The following RNASEH2A variants were observed in gnomAD, a reference collection of about 807,000 sequenced individuals.
RNASEH2A encodes RNase H(35).
Under a neutral mutation model 32.7 loss-of-function variants are expected in RNASEH2A, and 30 were observed. The observed-to-expected ratio is 0.92, with a 90% CI of 0.69 to 1.25. The LOEUF (loss-of-function observed/expected upper bound fraction) is 1.25, where lower values mean the gene tolerates loss of function less well. Among genes scored for constraint, RNASEH2A ranks in the 50% most tolerant of loss-of-function variants. The pLI, the probability that RNASEH2A is intolerant of heterozygous loss-of-function variation, is 0.00. For synonymous variants in RNASEH2A, 147 were observed against 165.4 expected (o/e 0.89, Z 0.86); for missense variants, 409 against 398.1 (o/e 1.03, Z -0.23).
chr19:12,810,988 A>T (rs1367288619), intron 6 of RNASEH2A, among the ~76,000 whole-genome samples: 1 of 151,772 alleles, frequency 6.6e-6, no homozygotes, highest in Non-Finnish European at 1.5e-5. Context: ...TTTTAAAGAG[A>T]TGGGGTCTCC....
chr19:12,809,145 C>T (rs573587790), intron 4 of RNASEH2A, among the ~76,000 whole-genome samples: 2 of 152,076 alleles, frequency 1.3e-5, no homozygotes, highest in East Asian at 3.9e-4. Context: ...GAGGCCGAGG[C>T]GGGCGGATCA....
intron 4 of RNASEH2A, among the ~76,000 whole-genome samples, chr19:12,809,012 T>TA (rs564353298): frequency 3.6e-4 from 55 of 152,026 alleles, no homozygotes; most frequent in Non-Finnish European, 6.6e-4. Flanking sequence ...GAGCTGGCGA[T>TA]ACAGTAACTG....
intron 6 of RNASEH2A, 72 bp downstream of exon 6, chr19:12,810,476 T>C (rs1020793456): frequency 5.1e-4 from 638 of 1,259,982 alleles, no homozygotes; most frequent in Non-Finnish European, 6.5e-4. Flanking sequence ...GGTTTTCTTT[T>C]TTTCCTTTCT....
chr19:12,811,075 A>G (rs529631758), intron 6 of RNASEH2A, among the ~76,000 whole-genome samples: 19 of 152,100 alleles, frequency 1.2e-4, no homozygotes, highest in Non-Finnish European at 2.8e-4. Context: ...AGCTAGGATT[A>G]CAGGTGTGAA....
intron 1 of RNASEH2A, 38 bp downstream of exon 1, chr19:12,806,838 C>T (rs1193478700): frequency 1.9e-6 from 3 of 1,590,900 alleles, no homozygotes; most frequent in East Asian, 2.3e-5. Flanking sequence ...GGGCGTGGTA[C>T]GGAGGATGCG....
chr19:12,813,355 G>C lies in RNASEH2A; in HGVS notation c.789G>C (p.Glu263Asp). The C allele has an allele frequency of 6.2e-7, 1 of 1,614,136 alleles. No homozygotes were observed. The highest frequency in any genetic ancestry group is 8.5e-7 in the Non-Finnish European group (1 of 1,180,016). ...IWEDSASENQ[E>D]GLRKITSYFL... ...AGGACTCAGCATCCGAGAATCAGGAGGGACTCAGGAAGATCACATCCTACT... is the reference window on the plus strand; with the variant it reads ...AGGACTCAGCATCCGAGAATCAGGACGGACTCAGGAAGATCACATCCTACT... Residue 263 changes from glutamate (E) to aspartate (D), a missense_variant, in exon 8 of 8, where the codon GAG becomes GAC. By Grantham distance (45) the Glu-to-Asp change is conservative. Coordinates refer to ENST00000221486, the MANE Select transcript of RNASEH2A (RefSeq NM_006397.3).
chr19:12,810,050 A>G, intron 4 of RNASEH2A, 21 bp from the exon 5 acceptor site: 1 of 1,613,976 alleles, frequency 6.2e-7, no homozygotes, highest in African/African-American at 1.3e-5. Flanking sequence ...TTCAATTAAT[A>G]TGTGTCTGTT....
intron 4 of RNASEH2A, among the ~76,000 whole-genome samples, chr19:12,808,637 T>C (rs540885728): frequency 6.6e-6 from 1 of 152,300 alleles, no homozygotes; most frequent in Admixed American, 6.5e-5. Flanking sequence ...CATTTAGTTT[T>C]CCGATCACAG....
chr19:12,810,819 C>T (rs963750067), intron 6 of RNASEH2A, among the ~76,000 whole-genome samples: 8 of 152,016 alleles, frequency 5.3e-5, no homozygotes, highest in East Asian at 1.9e-4. Flanking sequence ...CATGAGCCAC[C>T]GTGCCCAGCC....
chr19:12,809,541 T>C (rs946032156), intron 4 of RNASEH2A, among the ~76,000 whole-genome samples: 3 of 152,344 alleles, frequency 2.0e-5, no homozygotes, highest in Admixed American at 2.0e-4. Context: ...GGTCTCCATA[T>C]GTTGCCCAGG....
chr19:12,807,176 G>A, intron 2 of RNASEH2A, 30 bp from the exon 3 acceptor site: 1 of 1,614,088 alleles, frequency 6.2e-7, no homozygotes, highest in Non-Finnish European at 8.5e-7. Context: ...AGAACCAGCT[G>A]TTCCCCTTCT....
rs1321788478 is a variant in RNASEH2A, at chr19:12,813,116, T to G, written c.671T>G (p.Val224Gly). The change falls in exon 7 of 8, where the codon GTG becomes GGG. Residue 224 changes from valine to glycine, a missense_variant. Coordinates refer to ENST00000221486, the MANE Select transcript of RNASEH2A (RefSeq NM_006397.3). ...PKTKAWLKEH[V>G]EPVFGFPQFV... ...ACAAAAGCGTGGTTGAAGGAGCACGTGGAGCCTGTGTTCGGCTTCCCCCAG... is the reference window on the plus strand; with the variant it reads ...ACAAAAGCGTGGTTGAAGGAGCACGGGGAGCCTGTGTTCGGCTTCCCCCAG... 4 of 1,614,140 alleles carry G rather than the reference T, an allele frequency of 2.5e-6. No individual in the cohort carries two copies. The highest frequency in any genetic ancestry group is 3.4e-6 in the Non-Finnish European group (4 of 1,180,022).
At chr19:12,812,885 G>T (rs1198954298) in intron 6 of RNASEH2A, among the ~76,000 whole-genome samples, 198 bp from the exon 7 acceptor site, 1 of 152,058 alleles carries the variant, frequency 6.6e-6, no homozygotes, top group African/African-American at 2.4e-5. Flanking sequence ...TGCGCCTGTA[G>T]TCCCAGCTAC....
At chr19:12,812,373 AAT>A (rs1421640555) in intron 6 of RNASEH2A, among the ~76,000 whole-genome samples, 1 of 151,740 alleles carries the variant, frequency 6.6e-6, no homozygotes, top group Non-Finnish European at 1.5e-5. Context: ...CTCTACTAAA[AAT>A]ACAAAAATTA....
chr19:12,809,014 C>T (rs952490680), intron 4 of RNASEH2A, among the ~76,000 whole-genome samples: 1 of 152,058 alleles, frequency 6.6e-6, no homozygotes, highest in African/African-American at 2.4e-5. Flanking sequence ...GCTGGCGATA[C>T]AGTAACTGGT....
At chr19:12,807,150 G>T in intron 2 of RNASEH2A, 56 bp from the exon 3 acceptor site, 1 of 1,614,184 alleles carries the variant, frequency 6.2e-7, no homozygotes, top group Non-Finnish European at 8.5e-7. Flanking sequence ...ACTGAAAGGG[G>T]AGGGCAGGAA....
At chr19:12,807,946 T>G in intron 4 of RNASEH2A, 2 of 213,794 alleles carry the variant, frequency 9.4e-6, no homozygotes, top group South Asian at 1.2e-4. Flanking sequence ...AAATAAAAAA[T>G]AAAAAATAAA....
intron 4 of RNASEH2A, among the ~76,000 whole-genome samples, chr19:12,809,806 G>A (rs1343203754): frequency 1.3e-5 from 2 of 152,106 alleles, no homozygotes; most frequent in Non-Finnish European, 2.9e-5. Flanking sequence ...TAAAGATGGG[G>A]TCTCACTGTG....
chr19:12,806,793 C>G lies in RNASEH2A; in HGVS notation c.120C>G (p.Pro40=), dbSNP rs754428850. Residue 40 remains proline, a synonymous_variant, in exon 1 of 8, where the codon CCC becomes CCG. Coordinates refer to ENST00000221486, the MANE Select transcript of RNASEH2A (RefSeq NM_006397.3). The part of the protein sequence containing the change: ...VLGVDEAGRG[P]VLGPMVYAIC... ...GCGTCGATGAGGCGGGCAGGGGCCCCGTGCTGGGTGCGCCCCTAGGGCCAG... is the reference window on the plus strand; with the variant it reads ...GCGTCGATGAGGCGGGCAGGGGCCCGGTGCTGGGTGCGCCCCTAGGGCCAG... 12 of 1,578,550 alleles carry G rather than the reference C, an allele frequency of 7.6e-6. No individual in the cohort carries two copies. Among genetic ancestry groups the G allele is most frequent in the African/African-American group, 1.3e-5 (1 of 74,570 alleles).
Sources: allele counts gnomAD v4.1 joint callset (sites outside exome capture counted in the v4.1 genomes callset), GRCh38; gene constraint gnomAD v4.1.1; transcripts MANE v1.5; gene names NCBI Gene and HGNC (gene_info 2026-07-23, HGNC 2026-07-21).